ZBTB37: variants seen among roughly 807,000 people sequenced by gnomAD.
ZBTB37 encodes the protein zinc finger and BTB domain containing 37, also known as zinc finger and BTB domain-containing protein 37.
A neutral mutation model predicts 37.7 loss-of-function variants in ZBTB37; 15 were observed. That is an observed-to-expected ratio of 0.40 (90% CI 0.27 to 0.61). The LOEUF (loss-of-function observed/expected upper bound fraction) is 0.61, where lower values mean the gene tolerates loss of function less well. ZBTB37 is among the 20% of genes least tolerant of loss of function. The pLI is 0.44. For synonymous variants in ZBTB37, 231 were observed against 220.6 expected (o/e 1.05, Z -0.42); for missense variants, 514 against 641.9 (o/e 0.80, Z 2.15).
intron 4 of ZBTB37, among the ~76,000 whole-genome samples, chr1:173,877,260 A>T (rs1227628164): frequency 6.6e-6 from 1 of 152,176 alleles, no homozygotes; most frequent in Non-Finnish European, 1.5e-5. Context: ...AAAAACTGTA[A>T]GACTCTACAG....
intron 4 of ZBTB37, among the ~76,000 whole-genome samples, chr1:173,884,722 T>C (rs954303538): frequency 6.6e-6 from 1 of 152,276 alleles, no homozygotes; most frequent in Non-Finnish European, 1.5e-5. Context: ...TGTCACAATT[T>C]ATAATATGTT....
exon 4 of ZBTB37, chr1:173,897,150 G>A (rs2102764702): frequency 6.6e-6 from 1 of 152,180 alleles, no homozygotes; most frequent in South Asian, 2.1e-4. Flanking sequence ...AATAACTTAT[G>A]GGAAGTTTGG....
exon 3 of ZBTB37, chr1:173,870,429 A>G (rs1438471988): frequency 6.2e-7 from 1 of 1,614,226 alleles, no homozygotes. Flanking sequence ...AGATGAGTAC[A>G]GTCTCCATTT....
At chr1:173,875,991 A>G (rs1184446446) in intron 4 of ZBTB37, among the ~76,000 whole-genome samples, 1 of 152,042 alleles carries the variant, frequency 6.6e-6, no homozygotes, top group African/African-American at 2.4e-5. Context: ...TTGCTATTTC[A>G]TGTACTGTAT....
chr1:173,888,249 G>A (rs1656704979), downstream of ZBTB37: 1 of 152,096 alleles, frequency 6.6e-6, no homozygotes, highest in Admixed American at 6.5e-5. Context: ...AAAATCCTTA[G>A]GGAAACAACT....
At chr1:173,885,000 G>A (rs1009935690) in intron 4 of ZBTB37, among the ~76,000 whole-genome samples, 1 of 152,242 alleles carries the variant, frequency 6.6e-6, no homozygotes, top group South Asian at 2.1e-4. Context: ...TTGGGAGATC[G>A]AGGTGGGTAG....
chr1:173,893,918 AT>A (rs1390133910), exon 4 of ZBTB37: 1 of 152,220 alleles, frequency 6.6e-6, no homozygotes, highest in Non-Finnish European at 1.5e-5. Flanking sequence ...CAGAGCCAAT[AT>A]TTACCAATCT....
intron 4 of ZBTB37, among the ~76,000 whole-genome samples, chr1:173,881,356 G>T (rs942867878): frequency 6.6e-6 from 1 of 152,086 alleles, no homozygotes; most frequent in African/African-American, 2.4e-5. Flanking sequence ...GTCTATCATT[G>T]TGGACATTTG....
At chr1:173,891,662 A>C (rs1031029250) in exon 4 of ZBTB37, 5 of 152,132 alleles carry the variant, frequency 3.3e-5, no homozygotes, top group African/African-American at 1.2e-4. Context: ...GTGTGACAGC[A>C]GACACCTATA....
intron 2 of ZBTB37, among the ~76,000 whole-genome samples, chr1:173,869,643 CTT>C (rs1161098337): frequency 8.8e-6 from 1 of 113,282 alleles, no homozygotes; most frequent in Non-Finnish European, 1.7e-5. Context: ...TAACCAAAGT[CTT>C]TTTGTGGGGG....
chr1:173,873,618 G>A (rs1243813044), intron 4 of ZBTB37, 52 bp downstream of exon 4: 1 of 1,605,464 alleles, frequency 6.2e-7, no homozygotes, highest in Non-Finnish European at 8.5e-7. Flanking sequence ...AATTGCTACT[G>A]TGTATGAATA....
intron 4 of ZBTB37, 158 bp downstream of exon 4, chr1:173,873,724 A>T: frequency 7.9e-7 from 1 of 1,268,778 alleles, no homozygotes; most frequent in South Asian, 2.0e-5. Flanking sequence ...GAAGTTTAAT[A>T]TTAAAATTAT....
At chr1:173,881,977 C>T (rs1046871182) in intron 4 of ZBTB37, among the ~76,000 whole-genome samples, 1 of 151,528 alleles carries the variant, frequency 6.6e-6, no homozygotes, top group African/African-American at 2.4e-5. Context: ...TGGCGTGAAC[C>T]CGGGAGGCAG....
intron 4 of ZBTB37, among the ~76,000 whole-genome samples, chr1:173,875,084 A>G (rs2102726884): frequency 6.7e-6 from 1 of 149,712 alleles, no homozygotes; most frequent in South Asian, 2.1e-4. Context: ...TTTGCAGGTA[A>G]TTTAGGACCT....
intron 4 of ZBTB37, among the ~76,000 whole-genome samples, chr1:173,880,900 A>T (rs569770045): frequency 2.0e-5 from 3 of 151,904 alleles, no homozygotes; most frequent in Admixed American, 2.0e-4. Flanking sequence ...CTGCATGTGG[A>T]TAATACTGGT....
chr1:173,879,222 T>C (rs966236226), intron 4 of ZBTB37, among the ~76,000 whole-genome samples: 3 of 152,116 alleles, frequency 2.0e-5, no homozygotes, highest in Non-Finnish European at 4.4e-5. Context: ...CCATCCAGAA[T>C]CCAGCAGTGT....
At position 173,871,012 on chromosome 1, in the gene ZBTB37, G is replaced by T. The variant is rs1169765598; in HGVS notation, c.787G>T (p.Glu263Ter). The T allele has an allele frequency of 6.2e-7, 1 of 1,614,248 alleles. No homozygotes were observed. The highest frequency in any genetic ancestry group is 8.5e-7 in the Non-Finnish European group (1 of 1,180,046). ...TGGGCCTGAGAATCAGCCTTCTGGA[G>T]AAGATGGGAGTAGTGCAGAGGAAGT... is the stretch of plus-strand genomic sequence containing the variant. Residue 263 changes from glutamate to a stop codon, truncating the protein, a stop_gained, in exon 3 of 5, where the codon GAA (glutamate) becomes TAA (stop). Transcript: ENST00000427304. LOFTEE classifies it high-confidence loss of function.
chr1:173,874,010 C>T (rs866705379), intron 4 of ZBTB37, among the ~76,000 whole-genome samples: 1 of 152,072 alleles, frequency 6.6e-6, no homozygotes, highest in East Asian at 1.9e-4. Flanking sequence ...AATCCCAGCA[C>T]TTTGGGAGGC....
chr1:173,885,782 C>T (rs188075755), exon 5 of ZBTB37: 721 of 1,551,686 alleles, frequency 4.6e-4, no homozygotes, highest in Admixed American at 7.3e-4. Flanking sequence ...GCCTGGACCG[C>T]CACATGCGCC....
Sources: gnomAD v4.1 joint callset for allele counts (sites outside exome capture counted in the v4.1 genomes callset) on GRCh38, gnomAD v4.1.1 for gene constraint, MANE v1.5 for transcripts, NCBI Gene and HGNC (gene_info 2026-07-23, HGNC 2026-07-21) for gene names.